GPC6: variants seen among roughly 807,000 people sequenced by gnomAD.
GPC6 encodes the protein glypican-6.
In GPC6, 14 loss-of-function variants were observed where a neutral mutation model predicts 55.2. That is an observed-to-expected ratio of 0.25 (90% CI 0.17 to 0.40). The LOEUF (loss-of-function observed/expected upper bound fraction) is 0.40, where lower values mean the gene tolerates loss of function less well. Ranked by LOEUF, GPC6 falls within the 10% of genes least tolerant of loss-of-function variation. The probability of loss-of-function intolerance (pLI) is 1.00; values close to 1 mark genes in which losing one functional copy is unlikely to be tolerated. For missense variants in GPC6, 641 were observed against 708.5 expected, an observed-to-expected ratio of 0.90 and a Z score of 1.08; for synonymous variants, 278 against 259.6, an observed-to-expected ratio of 1.07 and a Z score of -0.68.
intron 4 of GPC6, among the ~76,000 whole-genome samples, chr13:94,058,801 G>T (rs1470093084): frequency 6.6e-6 from 1 of 152,112 alleles, no homozygotes; most frequent in South Asian, 2.1e-4. Flanking sequence ...GCAAGAGTTT[G>T]GTAGGTGAAG....
intron 2 of GPC6, among the ~76,000 whole-genome samples, chr13:93,622,995 G>T (rs77359405): frequency 0.031 from 4,778 of 152,166 alleles, 266 homozygotes; most frequent in African/African-American, 0.11. Context: ...CTGCAAATGA[G>T]TGACATCATG....
intron 2 of GPC6, among the ~76,000 whole-genome samples, chr13:93,555,743 A>C (rs1246149013): frequency 6.6e-6 from 1 of 152,186 alleles, no homozygotes; most frequent in Non-Finnish European, 1.5e-5. Context: ...TGAATAAGAA[A>C]TGTTTAAGAT....
intron 1 of GPC6, among the ~76,000 whole-genome samples, chr13:93,473,318 G>A (rs1316411097): frequency 2.0e-5 from 3 of 152,206 alleles, no homozygotes; most frequent in African/African-American, 7.2e-5. Flanking sequence ...GGTGCCCAAA[G>A]TATGGAGCAG....
At chr13:93,745,096 T>C (rs1235201549) in intron 2 of GPC6, among the ~76,000 whole-genome samples, 9 of 152,092 alleles carry the variant, frequency 5.9e-5, no homozygotes, top group African/African-American at 1.9e-4. Context: ...GAGTCCTCCA[T>C]TTACATGCAA....
chr13:93,939,731 T>C (rs1423372640), intron 3 of GPC6, among the ~76,000 whole-genome samples: 1 of 152,200 alleles, frequency 6.6e-6, no homozygotes, highest in African/African-American at 2.4e-5. Flanking sequence ...ATTACAGGCA[T>C]GAGCCACTGC....
intron 3 of GPC6, among the ~76,000 whole-genome samples, chr13:93,912,705 T>C (rs1325354192): frequency 5.9e-5 from 9 of 152,210 alleles, no homozygotes; most frequent in Middle Eastern, 3.4e-3. Context: ...ATTGCGCCAC[T>C]GCACTCCAGC....
chr13:94,406,548 G>A lies in GPC6; in HGVS notation c.*3331G>A, dbSNP rs1881376081. ...TAGAAAATACTATTTTGTCTACACT[G>A]AAAAACATTATTATTCATTGATAAG... On this transcript the variant is annotated 3_prime_UTR_variant, in exon 9 of 9. Coordinates refer to ENST00000377047, the MANE Select transcript of GPC6 (RefSeq NM_005708.5). 1 of 152,090 alleles carries A rather than the reference G, an allele frequency of 6.6e-6. No homozygotes were observed. Among genetic ancestry groups the A allele is most frequent in the Admixed American group, 6.5e-5 (1 of 15,278 alleles). 9.4% of individuals were successfully genotyped at this position (152,090 alleles called of 1,614,324 possible). A position where few individuals can be genotyped will look rare whatever the true frequency, so the allele number is the denominator to read the frequency against.
In GPC6 at chr13:93,830,293, T is replaced by C. The variant is rs778621607; in HGVS notation, c.459T>C (p.Gly153=). 3 of 1,613,728 alleles carry C rather than the reference T, an allele frequency of 1.9e-6. No individual in the cohort carries two copies. The highest frequency in any genetic ancestry group is 2.5e-6 in the Non-Finnish European group (3 of 1,179,902). The change falls in exon 3 of 9, where the codon GGT becomes GGC. Residue 153 remains glycine, a synonymous_variant. Coordinates refer to ENST00000377047, the MANE Select transcript of GPC6 (RefSeq NM_005708.5). ...FTELKRYYTG[G]NVNLEEMLND... ...AGCTGAAAAGGTACTACACTGGGGGTAATGTGAATCTGGAGGAAATGCTCA... is the reference window on the plus strand; with the variant it reads ...AGCTGAAAAGGTACTACACTGGGGGCAATGTGAATCTGGAGGAAATGCTCA...
At chr13:94,193,125 A>G (rs1282442217) in intron 4 of GPC6, among the ~76,000 whole-genome samples, 2 of 151,252 alleles carry the variant, frequency 1.3e-5, no homozygotes, top group African/African-American at 4.9e-5. Context: ...ATTTTATCCA[A>G]CTTCAAAACT....
chr13:93,984,855 G>A (rs1232390740), intron 3 of GPC6, among the ~76,000 whole-genome samples: 2 of 152,158 alleles, frequency 1.3e-5, no homozygotes, highest in Admixed American at 6.5e-5. Flanking sequence ...ATGGGAGGAA[G>A]CTATCTTAGA....
intron 1 of GPC6, among the ~76,000 whole-genome samples, chr13:93,388,239 G>A (rs1594135744): frequency 6.6e-6 from 1 of 152,054 alleles, no homozygotes; most frequent in East Asian, 1.9e-4. Context: ...TTAAGGATGT[G>A]CATCCTGAGT....
At chr13:93,824,852 A>G (rs1453730450) in intron 2 of GPC6, among the ~76,000 whole-genome samples, 1 of 152,114 alleles carries the variant, frequency 6.6e-6, no homozygotes, top group Admixed American at 6.5e-5. Context: ...GGTCATGTTC[A>G]TCCATCGATC....
chr13:93,913,241 C>G (rs146230907), intron 3 of GPC6, among the ~76,000 whole-genome samples: 144 of 152,244 alleles, frequency 9.5e-4, no homozygotes, highest in Non-Finnish European at 1.2e-3. Context: ...TGCTGTATGT[C>G]TCTGCTCTGT....
chr13:93,285,925 T>C (rs577934919), intron 1 of GPC6, among the ~76,000 whole-genome samples: 2 of 152,234 alleles, frequency 1.3e-5, no homozygotes, highest in Non-Finnish European at 2.9e-5. Context: ...TAGGAGATAA[T>C]AGGCATATTT....
chr13:94,277,837 T>C (rs1169927004), intron 4 of GPC6, among the ~76,000 whole-genome samples: 1 of 152,242 alleles, frequency 6.6e-6, no homozygotes, highest in Non-Finnish European at 1.5e-5. Context: ...ACTGTCACCT[T>C]GTAGTATAGT....
At chr13:93,550,006 A>T (rs7338160) in intron 2 of GPC6, among the ~76,000 whole-genome samples, 44,051 of 151,996 alleles carry the variant, frequency 0.29, 6,585 homozygotes, top group African/African-American at 0.35. Context: ...TATTTCTTTA[A>T]AAGGGCAGTA....
intron 4 of GPC6, among the ~76,000 whole-genome samples, chr13:94,218,541 CT>C (rs1479998010): frequency 2.0e-5 from 3 of 152,152 alleles, no homozygotes; most frequent in Admixed American, 6.6e-5. Flanking sequence ...CTCGAATCTA[CT>C]TGTTAAATTG....
At position 93,381,989 on chromosome 13, in the gene GPC6, G is replaced by A. The variant is rs369003180; in HGVS notation, c.160+154373G>A. 9.2e-5 allele frequency among the ~76,000 whole-genome samples: 14 copies of A among 152,062 alleles called. 1 individual carries two copies. Among genetic ancestry groups the A allele is most frequent in the African/African-American group, 2.9e-4 (12 of 41,506 alleles). Reference sequence around the variant, plus strand: ...ATACTTCAGTTTTAGGAGAACAAAAGCCTATGTCCAATTTGAATTTACTTT... The same window carrying A: ...ATACTTCAGTTTTAGGAGAACAAAAACCTATGTCCAATTTGAATTTACTTT... On this transcript the variant is annotated intron_variant, in intron 1 of 8. Transcript: ENST00000377047.
chr13:93,685,464 A>G (rs745443926), intron 2 of GPC6, among the ~76,000 whole-genome samples: 1 of 152,146 alleles, frequency 6.6e-6, no homozygotes. Context: ...GTATTTTGTT[A>G]TTTTTAATTT....
Sources: allele counts gnomAD v4.1 joint callset (sites outside exome capture counted in the v4.1 genomes callset), GRCh38; gene constraint gnomAD v4.1.1; transcripts MANE v1.5; gene names NCBI Gene and HGNC (gene_info 2026-07-23, HGNC 2026-07-21).